Variants in SUN3 observed in about 807,000 individuals in gnomAD.
SUN3 encodes SUN domain-containing protein 3.
A neutral mutation model predicts 48.2 loss-of-function variants in SUN3; 36 were observed. The ratio of observed to expected loss-of-function variants is 0.75; its 90% CI spans 0.57 to 0.99. The LOEUF (loss-of-function observed/expected upper bound fraction) is 0.99. Among genes scored for constraint, SUN3 ranks in the 50% least tolerant of loss-of-function variants. The pLI, the probability that SUN3 is intolerant of heterozygous loss-of-function variation, is 0.00. For synonymous variants in SUN3, 148 were observed against 147.9 expected, an observed-to-expected ratio of 1.00 and a Z score of 0.00; for missense variants, 419 against 433.1, an observed-to-expected ratio of 0.97 and a Z score of 0.29.
At chr7:48,022,596 C>A (rs897878912) in intron 2 of SUN3, among the ~76,000 whole-genome samples, 2 of 151,820 alleles carry the variant, frequency 1.3e-5, no homozygotes, top group Non-Finnish European at 2.9e-5. Flanking sequence ...AGAAAAAGAA[C>A]ATTTGAAGAA....
chr7:48,008,962 C>T (rs1789607063), intron 4 of SUN3, 73 bp downstream of exon 4: 2 of 1,456,164 alleles, frequency 1.4e-6, no homozygotes, highest in South Asian at 1.3e-5. Flanking sequence ...CTTTCTTATA[C>T]TTTTCTGTAC....
intron 1 of SUN3, among the ~76,000 whole-genome samples, chr7:48,026,712 T>C (rs1015653816): frequency 9.9e-5 from 15 of 152,064 alleles, no homozygotes; most frequent in Non-Finnish European, 2.1e-4. Flanking sequence ...GACTCTAAAC[T>C]AGCAGGATTG....
At chr7:48,023,226 G>A (rs984895033) in intron 2 of SUN3, among the ~76,000 whole-genome samples, 2 of 152,066 alleles carry the variant, frequency 1.3e-5, no homozygotes, top group African/African-American at 2.4e-5. Flanking sequence ...GTGTAAAGAT[G>A]TAATTTTTGA....
chr7:48,024,148 A>G (rs1006428325), intron 2 of SUN3, among the ~76,000 whole-genome samples: 1 of 152,202 alleles, frequency 6.6e-6, no homozygotes, highest in Non-Finnish European at 1.5e-5. Flanking sequence ...AAGGTTTGGC[A>G]ATGGATGCTT....
In SUN3 at chr7:48,007,180, G is replaced by T. The variant is rs372507142; in HGVS notation, c.477C>A (p.Asp159Glu). ...CATCCAGGACCTCTGTGTGGTCCGG[G>T]TCCTCCACAGGGTCTCCATGGGTGT... Reference protein sequence around the residue: ...NWNTHGDPVEDPDHTEEVSNL... With the variant: ...NWNTHGDPVEEPDHTEEVSNL... The change falls in exon 5 of 10, where the codon GAC (aspartate) becomes GAA (glutamate). Residue 159 changes from aspartate to glutamate, a missense_variant. Transcript: ENST00000297325. 3.9e-5 allele frequency: 63 copies of T among 1,613,786 alleles called. No individual in the cohort carries two copies. The highest frequency in any genetic ancestry group is 5.0e-5 in the Non-Finnish European group (59 of 1,179,918).
chr7:48,026,825 G>C (rs187813893), intron 1 of SUN3, among the ~76,000 whole-genome samples: 2 of 152,234 alleles, frequency 1.3e-5, no homozygotes, highest in East Asian at 1.9e-4. Context: ...TCCAGGAAGA[G>C]AGCCCTCGCT....
chr7:47,994,356 A>T lies in SUN3; in HGVS notation c.820T>A (p.Ser274Thr). 1.2e-6 allele frequency: 2 copies of T among 1,613,634 alleles called. No individual in the cohort carries two copies. The highest frequency in any genetic ancestry group is 1.7e-6 in the Non-Finnish European group (2 of 1,179,872). Reference sequence around the variant, plus strand: ...TTGGGTGCACTGGAGATGTTTCCTGACGGAGACACCTTCTCTGAGATGTGC... The same window carrying T: ...TTGGGTGCACTGGAGATGTTTCCTGTCGGAGACACCTTCTCTGAGATGTGC... ...MEHISEKVSP[S>T]GNISSAPKEF... Residue 274 changes from serine to threonine, a missense_variant, in exon 8 of 10, where the codon TCA (serine) becomes ACA (threonine). Ser to Thr is a moderately conservative substitution (Grantham distance 58, BLOSUM62 1). Coordinates refer to ENST00000297325, the MANE Select transcript of SUN3 (RefSeq NM_001030019.2).
At chr7:48,010,320 G>A (rs1330447311) in intron 3 of SUN3, among the ~76,000 whole-genome samples, 2 of 152,118 alleles carry the variant, frequency 1.3e-5, no homozygotes, top group Non-Finnish European at 2.9e-5. Flanking sequence ...TGGACAAGCT[G>A]GTAAGAAGGG....
At chr7:47,996,415 G>T (rs1437386016) in intron 6 of SUN3, among the ~76,000 whole-genome samples, 1 of 152,132 alleles carries the variant, frequency 6.6e-6, no homozygotes, top group Admixed American at 6.5e-5. Context: ...TTAGAGATGA[G>T]AATATTATAT....
intron 3 of SUN3, among the ~76,000 whole-genome samples, chr7:48,010,535 ATGATCAAGTG>A (rs1415525667): frequency 6.6e-6 from 1 of 152,174 alleles, no homozygotes; most frequent in Non-Finnish European, 1.5e-5. Flanking sequence ...GAGTGGAGGA[ATGATCAAGTG>A]TGAAAACGAA....
At position 47,994,323 on chromosome 7, in the gene SUN3, A is replaced by G. The variant is rs775968599; in HGVS notation, c.853T>C (p.Ser285Pro). The part of the protein sequence containing the change: ...GNISSAPKEF[S>P]VYGITKKCEG... ...TTTAGATAGCTTCTTACATAGACAG[A>G]AAATTCCTTGGGTGCACTGGAGATG... Residue 285 changes from serine to proline, a missense_variant, in exon 8 of 10, where the codon TCT becomes CCT. Coordinates refer to ENST00000297325, the MANE Select transcript of SUN3 (RefSeq NM_001030019.2). The G allele has an allele frequency of 1.2e-6, 2 of 1,613,194 alleles. No individual in the cohort carries two copies. The highest frequency in any genetic ancestry group is 3.3e-5 in the Admixed American group (2 of 59,742).
At position 47,994,351 on chromosome 7, in the gene SUN3, T is replaced by A; in HGVS notation, c.825A>T (p.Gly275=). ...EHISEKVSPS[G]NISSAPKEFS... is the part of the protein sequence containing the mutation. ...ATTCCTTGGGTGCACTGGAGATGTT[T>A]CCTGACGGAGACACCTTCTCTGAGA... Residue 275 remains glycine, a synonymous_variant, in exon 8 of 10, where the codon GGA becomes GGT. Coordinates refer to ENST00000297325, the MANE Select transcript of SUN3 (RefSeq NM_001030019.2). 6.2e-7 allele frequency: 1 copy of A among 1,613,616 alleles called. No homozygotes were observed. The highest frequency in any genetic ancestry group is 1.1e-5 in the South Asian group (1 of 90,968).
intron 1 of SUN3, 103 bp downstream of exon 1, chr7:48,028,714 A>G (rs1442950041): frequency 6.8e-7 from 1 of 1,461,664 alleles, no homozygotes; most frequent in Non-Finnish European, 9.3e-7. Context: ...ATAAAGGGAG[A>G]AAATACTGTC....
At chr7:47,999,193 GCT>G in intron 6 of SUN3, among the ~76,000 whole-genome samples, 1 of 151,648 alleles carries the variant, frequency 6.6e-6, no homozygotes, top group Non-Finnish European at 1.5e-5. Flanking sequence ...TTAGTTTTTA[GCT>G]CTCAGTTCCC....
chr7:48,009,029 A>T lies in SUN3; in HGVS notation c.329+6T>A. On this transcript the variant is annotated splice_donor_region_variant and intron_variant, in intron 4 of 9. Transcript: ENST00000297325. The stretch of plus-strand genomic sequence containing the variant: ...AAAGAGGCATATAGCAAAAGATCGC[A>T]CTCACTTTAAAAGTTCCAGTTGCTC... 6.2e-7 allele frequency: 1 copy of T among 1,611,204 alleles called. No homozygotes were observed. Among genetic ancestry groups the T allele is most frequent in the South Asian group, 1.1e-5 (1 of 90,220 alleles).
At chr7:48,033,822 G>A (rs1706760654), upstream of SUN3, among the ~76,000 whole-genome samples, 1 of 152,152 alleles carries the variant, frequency 6.6e-6, no homozygotes, top group Non-Finnish European at 1.5e-5. Flanking sequence ...TTGTGAGGCC[G>A]AGGCAGGTGG....
At chr7:48,012,388 GTTTT>G (rs370669672) in intron 3 of SUN3, among the ~76,000 whole-genome samples, 1 of 142,580 alleles carries the variant, frequency 7.0e-6, no homozygotes. Context: ...TTTTTGTTTA[GTTTT>G]TTTTTTTTTT....
At chr7:48,019,434 G>A (rs1308718705) in intron 2 of SUN3, among the ~76,000 whole-genome samples, 1 of 151,508 alleles carries the variant, frequency 6.6e-6, no homozygotes, top group East Asian at 1.9e-4. Flanking sequence ...TAGAAGAAAA[G>A]AAATAATAAA....
At chr7:47,994,218 ACTAGTTAT>A in intron 8 of SUN3, 89 bp downstream of exon 8, 1 of 1,116,282 alleles carries the variant, frequency 9.0e-7, no homozygotes, top group East Asian at 2.6e-5. Flanking sequence ...AAGTGACACA[ACTAGTTAT>A]CTGTCCTAGT....
Sources: allele counts gnomAD v4.1 joint callset (sites outside exome capture counted in the v4.1 genomes callset), GRCh38; gene constraint gnomAD v4.1.1; transcripts MANE v1.5; gene names NCBI Gene and HGNC (gene_info 2026-07-23, HGNC 2026-07-21).